DMAC2: variants seen among roughly 807,000 people sequenced by gnomAD.
DMAC2 encodes the protein distal membrane arm assembly component 2.
In DMAC2, 32 loss-of-function variants were observed where a neutral mutation model predicts 29.6. That is an observed-to-expected ratio of 1.08 (90% CI 0.81 to 1.45). The LOEUF (loss-of-function observed/expected upper bound fraction) is 1.45. Among genes scored for constraint, DMAC2 ranks in the 40% most tolerant of loss-of-function variants. DMAC2 has a pLI of 0.00. For synonymous variants in DMAC2, 133 were observed against 137.4 expected, an observed-to-expected ratio of 0.97 and a Z score of 0.23; for missense variants, 319 against 340.0, an observed-to-expected ratio of 0.94 and a Z score of 0.49.
chr19:41,436,361 C>A, intron 3 of DMAC2, 31 bp downstream of exon 3: 1 of 1,601,836 alleles, frequency 6.2e-7, no homozygotes, highest in Non-Finnish European at 8.6e-7. Context: ...ACCACCTGCC[C>A]CAGCCCGTTC....
In DMAC2 at chr19:41,432,421, GAGA is replaced by G. The variant is rs781933949; in HGVS notation, c.597-16_597-14del. ...CCTGCGGAGGTTCCTGAAAAGGGGT[GAGA>G]AGGACAGGAAGCCAGTGTAAGGACA... On this transcript the variant is annotated splice_polypyrimidine_tract_variant and intron_variant, in intron 5 of 5. Transcript: ENST00000221943. 5.3e-5 allele frequency: 86 copies of G among 1,612,336 alleles called. No homozygotes were observed. Among genetic ancestry groups the G allele is most frequent in the Non-Finnish European group, 6.7e-5 (79 of 1,179,596 alleles).
intron 5 of DMAC2, chr19:41,432,674 G>GTGTGTGTGTGTGTA (rs1349870222): frequency 0.12 from 43,451 of 363,216 alleles, 3,717 homozygotes; most frequent in East Asian, 0.24. Context: ...GTGTGTGTGT[G>GTGTGTGTGTGTGTA]TGTATAGGGA....
intron 1 of DMAC2, 84 bp from the exon 2 acceptor site, chr19:41,438,498 C>A: frequency 8.8e-7 from 1 of 1,141,996 alleles, no homozygotes; most frequent in Non-Finnish European, 1.2e-6. Context: ...GCTCCATGAA[C>A]CTCAATCCCT....
chr19:41,439,755 C>G (rs550339103), intron 1 of DMAC2, 127 bp downstream of exon 1: 1 of 1,500,054 alleles, frequency 6.7e-7, no homozygotes, highest in African/African-American at 1.4e-5. Context: ...ACTCCCAGTA[C>G]GGGGCTTGCC....
In DMAC2 at chr19:41,432,568, C is replaced by CGTGTGT. The variant is rs149102482; in HGVS notation, c.597-166_597-161dup. ...ATAGGGAGGTACAGGACAGTGTGTG[C>CGTGTGT]GTGTGTGTGTGTGTGTGTGTATAGG... is the stretch of plus-strand genomic sequence containing the variant. On this transcript the variant is annotated intron_variant, in intron 5 of 5. Coordinates refer to ENST00000221943, the MANE Select transcript of DMAC2 (RefSeq NM_018035.3). The CGTGTGT allele has an allele frequency of 2.1e-3, 1,090 of 519,454 alleles. 6 individuals are homozygous for CGTGTGT. Among genetic ancestry groups the CGTGTGT allele is most frequent in the Admixed American group, 4.6e-3 (141 of 30,344 alleles). 32.2% of individuals were successfully genotyped at this position (519,454 alleles called of 1,614,324 possible). A position where few individuals can be genotyped will look rare whatever the true frequency, so the allele number is the denominator to read the frequency against.
rs1568517434 is a variant in DMAC2, at chr19:41,432,777, A to AGTGT, written c.597-370_597-369insACAC. 5 of 301,808 alleles carry AGTGT rather than the reference A, an allele frequency of 1.7e-5. 1 individual carries two copies. Among genetic ancestry groups the AGTGT allele is most frequent in the Non-Finnish European group, 2.8e-5 (5 of 178,208 alleles). The allele number at this position is 301,808 out of a possible 1,614,324, so 18.7% of individuals were successfully genotyped here. ...GCGTGTGTGTAGGGAGGTACAGGAC[A>AGTGT]GCGTGCGTGTGTGTGTGTGTGTGTG... On this transcript the variant is annotated intron_variant, in intron 5 of 5. Coordinates refer to ENST00000221943, the MANE Select transcript of DMAC2 (RefSeq NM_018035.3).
At chr19:41,436,302 A>T in intron 3 of DMAC2, 90 bp downstream of exon 3, 2 of 1,098,964 alleles carry the variant, frequency 1.8e-6, no homozygotes, top group Admixed American at 3.7e-5. Context: ...AGACCAGGGG[A>T]CTCTGAAGCC....
chr19:41,439,827 C>T, intron 1 of DMAC2, 55 bp downstream of exon 1: 1 of 1,613,196 alleles, frequency 6.2e-7, no homozygotes, highest in South Asian at 1.1e-5. Flanking sequence ...GCCCTGAATG[C>T]GGAGGCTGTA....
At chr19:41,439,861 C>G (rs1306472327) in intron 1 of DMAC2, 21 bp downstream of exon 1, 1 of 1,614,170 alleles carries the variant, frequency 6.2e-7, no homozygotes, top group South Asian at 1.1e-5. Context: ...ATTTGGGGCT[C>G]TAGGAACTCC....
intron 5 of DMAC2, 196 bp downstream of exon 5, chr19:41,433,072 AAAGG>A: frequency 1.6e-6 from 1 of 623,658 alleles, no homozygotes; most frequent in East Asian, 3.0e-5. Flanking sequence ...ACTAAAACAA[AAAGG>A]AAGAAAACCA....
chr19:41,433,108 A>G, intron 5 of DMAC2, 164 bp downstream of exon 5: 1 of 749,272 alleles, frequency 1.3e-6, no homozygotes, highest in African/African-American at 1.8e-5. Flanking sequence ...ATTCTTCCAG[A>G]GACTCACTGT....
intron 5 of DMAC2, 173 bp from the exon 6 acceptor site, chr19:41,432,581 G>A (rs1465666144): frequency 7.1e-5 from 45 of 636,782 alleles, no homozygotes; most frequent in Middle Eastern, 8.3e-4. Flanking sequence ...GTGTGTGTGT[G>A]TGTGTGTATA....
chr19:41,439,570 G>A (rs2122306708), intron 1 of DMAC2: 4 of 1,528,788 alleles, frequency 2.6e-6, no homozygotes, highest in Non-Finnish European at 3.5e-6. Flanking sequence ...CTGTCCATTA[G>A]CTCCTTGTGT....
rs1411596218 is a variant in DMAC2, at chr19:41,432,505, T to C, written c.597-97A>G. On this transcript the variant is annotated intron_variant, in intron 5 of 5. Coordinates refer to ENST00000221943, the MANE Select transcript of DMAC2 (RefSeq NM_018035.3). ...CAGCGTGTGCGTGTGTGTGTGTGTA[T>C]AGGCAGGTAAGCCAGTGTAAGGACA... The C allele has an allele frequency of 1.4e-5, 17 of 1,206,704 alleles. No individual in the cohort carries two copies. In the African/African-American group the frequency reaches 1.8e-4, roughly 13 times the overall value. 74.7% of individuals were successfully genotyped at this position (1,206,704 alleles called of 1,614,324 possible).
At chr19:41,434,727 C>T (rs1221364858) in intron 3 of DMAC2, among the ~76,000 whole-genome samples, 3 of 151,966 alleles carry the variant, frequency 2.0e-5, no homozygotes, top group Admixed American at 6.6e-5. Flanking sequence ...AGGCCAGGCG[C>T]CACCAGTGGC....
rs1168694102 is a variant in DMAC2, at chr19:41,431,527, A to T, written c.*704T>A. 2.9e-6 allele frequency: 1 copy of T among 349,394 alleles called. No individual in the cohort carries two copies. The highest frequency in any genetic ancestry group is 2.1e-5 in the African/African-American group (1 of 46,582). The allele number at this position is 349,394 out of a possible 1,614,324, so 21.6% of individuals were successfully genotyped here. A position where few individuals can be genotyped will look rare whatever the true frequency, so the allele number is the denominator to read the frequency against. On this transcript the variant is annotated 3_prime_UTR_variant, in exon 6 of 6. Transcript: ENST00000221943. ...TGGAGGGTGCCAAGGGCAGCTGCTG[A>T]CCGCCTGGTGCTTCAGGAGCTGGGT...
In DMAC2 at chr19:41,433,397, G is replaced by T; in HGVS notation, c.471C>A (p.Arg157=). 1.2e-6 allele frequency: 2 copies of T among 1,613,524 alleles called. No homozygotes were observed. Among genetic ancestry groups the T allele is most frequent in the Admixed American group, 1.7e-5 (1 of 60,022 alleles). ...LKELQSLSLQ[R]CCHVDDWCLS... is the part of the protein sequence containing the mutation. ...GACACCAGTCGTCCACGTGGCAGCA[G>T]CGCTGCAGCGACAAGGACTGGAGCT... is the stretch of plus-strand genomic sequence containing the variant. Residue 157 remains arginine (R), a synonymous_variant, in exon 5 of 6, where the codon CGC becomes CGA. Transcript: ENST00000221943.
Position 41,431,498 on chromosome 19 carries a change from G to A in DMAC2, c.*733C>T. On this transcript the variant is annotated 3_prime_UTR_variant, in exon 6 of 6. Transcript: ENST00000221943. Reference sequence around the variant, plus strand: ...GCTGTGTCTCCTACGCAACTTCTGAGGGCTGGAGGGTGCCAAGGGCAGCTG... The same window carrying A: ...GCTGTGTCTCCTACGCAACTTCTGAAGGCTGGAGGGTGCCAAGGGCAGCTG... 1 of 358,828 alleles carries A rather than the reference G, an allele frequency of 2.8e-6. No homozygotes were observed. The highest frequency in any genetic ancestry group is 5.5e-6 in the Non-Finnish European group (1 of 182,206). The allele number at this position is 358,828 out of a possible 1,614,324, so 22.2% of individuals were successfully genotyped here. A position where few individuals can be genotyped will look rare whatever the true frequency, so the allele number is the denominator to read the frequency against.
intron 4 of DMAC2, 37 bp downstream of exon 4, chr19:41,433,500 A>C (rs781888833): frequency 6.2e-7 from 1 of 1,613,698 alleles, no homozygotes; most frequent in African/African-American, 1.3e-5. Context: ...AAGGGAAAAC[A>C]TAGAGGCCTG....
Sources: allele counts gnomAD v4.1 joint callset (sites outside exome capture counted in the v4.1 genomes callset), GRCh38; gene constraint gnomAD v4.1.1; transcripts MANE v1.5; gene names NCBI Gene and HGNC (gene_info 2026-07-23, HGNC 2026-07-21).